Variants in VPS13B observed in about 807,000 individuals in gnomAD.
VPS13B encodes the protein intermembrane lipid transfer protein VPS13B.
VPS13B carries 285 observed loss-of-function variants against 426.4 expected under a neutral mutation model. The ratio of observed to expected loss-of-function variants is 0.67; its 90% CI spans 0.61 to 0.74. The LOEUF is 0.74. VPS13B is among the 30% of genes least tolerant of loss of function. VPS13B has a pLI of 0.00. For synonymous variants in VPS13B, 1,676 were observed against 1,676.4 expected, an observed-to-expected ratio of 1.00 and a Z score of 0.01; for missense variants, 4,537 against 4,782.6, an observed-to-expected ratio of 0.95 and a Z score of 1.51.
intron 19 of VPS13B, among the ~76,000 whole-genome samples, chr8:99,293,653 G>A (rs1345257873): frequency 1.3e-5 from 2 of 148,582 alleles, no homozygotes; most frequent in African/African-American, 2.5e-5. Flanking sequence ...TCTGACGAAG[G>A]GCTAATATCC....
chr8:99,717,070 A>C, intron 36 of VPS13B, 101 bp from the exon 37 acceptor site: 2 of 1,206,444 alleles, frequency 1.7e-6, no homozygotes, highest in Non-Finnish European at 2.4e-6. Flanking sequence ...GACGACTCTG[A>C]CAAAGGATGA....
intron 21 of VPS13B, among the ~76,000 whole-genome samples, chr8:99,417,055 A>G (rs1332341689): frequency 1.3e-5 from 2 of 152,120 alleles, no homozygotes; most frequent in Non-Finnish European, 2.9e-5. Context: ...ATTTAATAAG[A>G]TTTGTAGTTG....
chr8:99,128,053 A>G (rs1809526459), intron 8 of VPS13B, among the ~76,000 whole-genome samples: 1 of 152,114 alleles, frequency 6.6e-6, no homozygotes, highest in African/African-American at 2.4e-5. Flanking sequence ...AATTATGGAT[A>G]TTCCTTTTGA....
chr8:99,247,856 G>T (rs918597174), intron 17 of VPS13B, among the ~76,000 whole-genome samples: 2 of 152,116 alleles, frequency 1.3e-5, no homozygotes. Context: ...CAATCAGGCA[G>T]GTTGCTGACG....
chr8:99,490,651 C>G lies in VPS13B; in HGVS notation c.3870+8849C>G, dbSNP rs186818463. Among the ~76,000 whole-genome samples the G allele has an allele frequency of 3.1e-3, 471 of 152,220 alleles. 5 individuals are homozygous for G. The highest frequency in any genetic ancestry group is 0.029 in the Admixed American group (440 of 15,286). On this transcript the variant is annotated intron_variant, in intron 25 of 61. Coordinates refer to ENST00000357162, the MANE Select transcript of VPS13B (RefSeq NM_152564.5). ...TTGGGAGGGTGTATATGTCCAAGAACTTATCCATTCCTTCTAGATTTTCTA... is the reference window on the plus strand; with the variant it reads ...TTGGGAGGGTGTATATGTCCAAGAAGTTATCCATTCCTTCTAGATTTTCTA...
intron 19 of VPS13B, among the ~76,000 whole-genome samples, chr8:99,303,275 A>AAAAT (rs1262242736): frequency 6.7e-6 from 1 of 150,058 alleles, no homozygotes; most frequent in East Asian, 2.0e-4. Context: ...AAAAAAAAAA[A>AAAAT]AAAAGGAAAA....
intron 19 of VPS13B, among the ~76,000 whole-genome samples, chr8:99,312,930 C>T (rs1041903445): frequency 1.3e-5 from 2 of 151,948 alleles, no homozygotes; most frequent in African/African-American, 4.8e-5. Flanking sequence ...ATCTTCAATC[C>T]CTGATGCCCT....
intron 35 of VPS13B, among the ~76,000 whole-genome samples, chr8:99,695,782 A>T (rs561881253): frequency 1.3e-5 from 2 of 151,820 alleles, no homozygotes; most frequent in South Asian, 2.1e-4. Context: ...CTTACAAGGG[A>T]TGGGACCCTG....
At chr8:99,348,519 G>A (rs1252412622) in intron 19 of VPS13B, among the ~76,000 whole-genome samples, 2 of 152,106 alleles carry the variant, frequency 1.3e-5, no homozygotes, top group Non-Finnish European at 2.9e-5. Context: ...AAACATCATG[G>A]ACATAAATTA....
At chr8:99,794,594 A>G (rs1169277569) in intron 43 of VPS13B, among the ~76,000 whole-genome samples, 5 of 152,166 alleles carry the variant, frequency 3.3e-5, no homozygotes, top group African/African-American at 7.2e-5. Flanking sequence ...CATGAAAAGT[A>G]GCTTTTGTTT....
chr8:99,338,211 C>T (rs1811038704), intron 19 of VPS13B, among the ~76,000 whole-genome samples: 1 of 152,064 alleles, frequency 6.6e-6, no homozygotes, highest in African/African-American at 2.4e-5. Flanking sequence ...TTATTATCAA[C>T]TGGTCAGTTT....
intron 8 of VPS13B, among the ~76,000 whole-genome samples, chr8:99,122,395 A>C (rs1189486053): frequency 1.3e-5 from 2 of 152,100 alleles, no homozygotes; most frequent in African/African-American, 4.8e-5. Context: ...AAAGAATAAT[A>C]AAGTAAATAC....
At chr8:99,380,151 T>C (rs1452141845) in intron 19 of VPS13B, among the ~76,000 whole-genome samples, 1 of 152,180 alleles carries the variant, frequency 6.6e-6, no homozygotes, top group Non-Finnish European at 1.5e-5. Flanking sequence ...CTTGTTAGTC[T>C]GTGGAGATGA....
At chr8:99,309,776 A>G (rs1820852181) in intron 19 of VPS13B, among the ~76,000 whole-genome samples, 1 of 152,150 alleles carries the variant, frequency 6.6e-6, no homozygotes, top group African/African-American at 2.4e-5. Flanking sequence ...CGTGGCCAGT[A>G]TGGCCATTTT....
At chr8:99,851,385 G>A (rs955971666) in intron 55 of VPS13B, among the ~76,000 whole-genome samples, 4 of 152,242 alleles carry the variant, frequency 2.6e-5, no homozygotes, top group African/African-American at 9.6e-5. Flanking sequence ...GGTGATGGGG[G>A]GTGTAGAGAG....
In VPS13B at chr8:99,445,484, T is replaced by G. The variant is rs372936334; in HGVS notation, c.3445+2849T>G. ...TGACTCTGTAAATTAATTAACTAAG[T>G]ATATATAATACATGATATATAATAT... On this transcript the variant is annotated intron_variant, in intron 23 of 61. Transcript: ENST00000357162. 2.7e-5 allele frequency among the ~76,000 whole-genome samples: 4 copies of G among 149,222 alleles called. No homozygotes were observed. In the South Asian group the frequency reaches 6.2e-4, roughly 23 times the overall value.
At chr8:99,654,270 G>A (rs138903775) in intron 34 of VPS13B, among the ~76,000 whole-genome samples, 20,589 of 151,054 alleles carry the variant, frequency 0.14, 1,940 homozygotes, top group East Asian at 0.39. Context: ...GGATGATCTC[G>A]ATCTCCTGAC....
intron 58 of VPS13B, among the ~76,000 whole-genome samples, chr8:99,864,893 G>C (rs543399624): frequency 1.4e-4 from 21 of 152,324 alleles, no homozygotes; most frequent in Middle Eastern, 3.4e-3. Flanking sequence ...AGGATGTGGG[G>C]AGACTGAACA....
At position 99,156,577 on chromosome 8, in the gene VPS13B, A is replaced by G. The variant is rs1318332420; in HGVS notation, c.2042A>G (p.Asn681Ser). ...KNSSNFMNTT[N>S]FQSLRPLPSI... is the part of the protein sequence containing the mutation. ...TCAAGTAACTTCATGAATACTACAA[A>G]CTTCCAGTCTCTTCGGCCTTTGCCA... Residue 681 changes from asparagine to serine, a missense_variant, in exon 15 of 62, where the codon AAC (asparagine) becomes AGC (serine). Transcript: ENST00000357162. 1 of 1,614,034 alleles carries G rather than the reference A, an allele frequency of 6.2e-7. No individual in the cohort carries two copies. The highest frequency in any genetic ancestry group is 1.7e-5 in the Admixed American group (1 of 60,028).
Sources: allele counts gnomAD v4.1 joint callset (sites outside exome capture counted in the v4.1 genomes callset), GRCh38; gene constraint gnomAD v4.1.1; transcripts MANE v1.5; gene names NCBI Gene and HGNC (gene_info 2026-07-23, HGNC 2026-07-21).